TOP6BL: variants seen among roughly 807,000 people sequenced by gnomAD.
TOP6BL encodes the protein TOP6B like initiator of meiotic double strand breaks.
At chr11:66,805,726 A>G in the TOP6BL span, among the ~76,000 whole-genome samples, 1 of 152,192 alleles carries the variant, frequency 6.6e-6, no homozygotes, top group Admixed American at 6.5e-5. Flanking sequence ...AAGTTTTGGG[A>G]TTACAGGCAT....
the TOP6BL span, among the ~76,000 whole-genome samples, chr11:66,836,832 C>T: frequency 1.3e-5 from 2 of 149,676 alleles, no homozygotes; most frequent in African/African-American, 4.9e-5. Context: ...TCCTGAGTAG[C>T]TGGGATTACA....
At chr11:66,819,525 C>T in the TOP6BL span, among the ~76,000 whole-genome samples, 2 of 152,152 alleles carry the variant, frequency 1.3e-5, no homozygotes, top group African/African-American at 4.8e-5. Flanking sequence ...AATCCCAATA[C>T]TTTGAGGGGC....
At chr11:66,763,452 TA>T in the TOP6BL span, among the ~76,000 whole-genome samples, 2 of 152,078 alleles carry the variant, frequency 1.3e-5, no homozygotes, top group African/African-American at 4.8e-5. Flanking sequence ...GGAAAAGTAA[TA>T]AAAAATGAGA....
the TOP6BL span, chr11:66,842,732 A>T: frequency 9.5e-7 from 1 of 1,050,440 alleles, no homozygotes; most frequent in Non-Finnish European, 1.4e-6. Flanking sequence ...GGACCTGCTG[A>T]CAGGGATGCG....
the TOP6BL span, chr11:66,822,763 G>A: frequency 1.2e-6 from 1 of 869,176 alleles, no homozygotes; most frequent in Admixed American, 2.2e-5. Flanking sequence ...CAGCACTTTG[G>A]GAGGCCAAGG....
At chr11:66,817,333 A>C in the TOP6BL span, among the ~76,000 whole-genome samples, 2 of 152,012 alleles carry the variant, frequency 1.3e-5, no homozygotes, top group African/African-American at 4.8e-5. Flanking sequence ...ATGGGTGACA[A>C]TTTGTTATCA....
the TOP6BL span, among the ~76,000 whole-genome samples, chr11:66,824,121 AT>A: frequency 2.6e-5 from 4 of 152,202 alleles, no homozygotes; most frequent in Non-Finnish European, 4.4e-5. Context: ...GAATGTTTAT[AT>A]ATCCCCAAAA....
At chr11:66,748,314 A>C in the TOP6BL span, 298 of 1,224,124 alleles carry the variant, frequency 2.4e-4, no homozygotes, top group Non-Finnish European at 2.9e-4. Flanking sequence ...ACTGGGTCAT[A>C]GAGATGTATT....
At chr11:66,744,931 A>G in the TOP6BL span, 1 of 1,249,938 alleles carries the variant, frequency 8.0e-7, no homozygotes, top group South Asian at 3.9e-5. Context: ...TGATGCTGGG[A>G]AGGGAGAGAA....
the TOP6BL span, among the ~76,000 whole-genome samples, chr11:66,798,476 T>G: frequency 1.3e-5 from 2 of 151,554 alleles, no homozygotes; most frequent in East Asian, 3.9e-4. Flanking sequence ...TCCATGCACC[T>G]GTGGTCCCAT....
chr11:66,826,981 C>CTTTTTT, the TOP6BL span, among the ~76,000 whole-genome samples: 1 of 95,044 alleles, frequency 1.1e-5, no homozygotes, highest in Admixed American at 1.2e-4. Flanking sequence ...CCACACCTGG[C>CTTTTTT]TTTTTTTTTT....
At chr11:66,777,796 C>T in the TOP6BL span, among the ~76,000 whole-genome samples, 7 of 151,890 alleles carry the variant, frequency 4.6e-5, no homozygotes, top group Non-Finnish European at 8.8e-5. Flanking sequence ...CACTTGAATC[C>T]GGGAGGTGGA....
At chr11:66,769,044 C>T in the TOP6BL span, among the ~76,000 whole-genome samples, 331 of 152,254 alleles carry the variant, frequency 2.2e-3, 1 homozygote, top group African/African-American at 7.5e-3. Flanking sequence ...CCAACTCTGT[C>T]CTTCTGGGTT....
chr11:66,796,336 T>C, the TOP6BL span: 1 of 1,611,010 alleles, frequency 6.2e-7, no homozygotes, highest in Non-Finnish European at 8.5e-7. Context: ...AAGCATTTTT[T>C]ACGTAAAATC....
chr11:66,802,899 G>A, the TOP6BL span, among the ~76,000 whole-genome samples: 1 of 152,144 alleles, frequency 6.6e-6, no homozygotes, highest in Non-Finnish European at 1.5e-5. Context: ...TTGTAGATGT[G>A]TTTCCTTGGA....
chr11:66,764,675 AAAAAT>A, the TOP6BL span, among the ~76,000 whole-genome samples: 1 of 150,726 alleles, frequency 6.6e-6, no homozygotes, highest in African/African-American at 2.5e-5. Flanking sequence ...CAAAAAAAAA[AAAAAT>A]AAAGAAGTGA....
chr11:66,836,729 C>G, the TOP6BL span, among the ~76,000 whole-genome samples: 9 of 117,516 alleles, frequency 7.7e-5, no homozygotes, highest in Admixed American at 6.8e-4. Context: ...GAGATGGAGT[C>G]TTGCCCTGCC....
At chr11:66,804,240 T>G in the TOP6BL span, 1 of 1,442,440 alleles carries the variant, frequency 6.9e-7, no homozygotes, top group Non-Finnish European at 9.4e-7. Flanking sequence ...AATGGGTTTT[T>G]ATATCCCAGT....
the TOP6BL span, among the ~76,000 whole-genome samples, chr11:66,792,418 C>T: frequency 6.6e-6 from 1 of 152,176 alleles, no homozygotes; most frequent in African/African-American, 2.4e-5. Flanking sequence ...TGAGTAAATG[C>T]ATATATTGAG....
Sources: allele counts gnomAD v4.1 joint callset (sites outside exome capture counted in the v4.1 genomes callset), GRCh38; gene constraint gnomAD v4.1.1; transcripts MANE v1.5; gene names NCBI Gene and HGNC (gene_info 2026-07-23, HGNC 2026-07-21).